SLC9A9: variants seen among roughly 807,000 people sequenced by gnomAD.
The protein encoded by SLC9A9 is sodium/hydrogen exchanger 9.
SLC9A9 carries 62 observed loss-of-function variants against 77.8 expected under a neutral mutation model. That is an observed-to-expected ratio of 0.80 (90% CI 0.65 to 0.98). The LOEUF is 0.98. SLC9A9 is among the 50% of genes least tolerant of loss of function. SLC9A9 has a pLI of 0.00. For missense variants in SLC9A9, 775 were observed against 774.9 expected, an observed-to-expected ratio of 1.00 and a Z score of 0.00; for synonymous variants, 320 against 283.5, an observed-to-expected ratio of 1.13 and a Z score of -1.29.
At chr3:143,276,220 G>A (rs1008953710) in intron 14 of SLC9A9, among the ~76,000 whole-genome samples, 2 of 152,190 alleles carry the variant, frequency 1.3e-5, no homozygotes, top group Non-Finnish European at 2.9e-5. Context: ...TACTGTTAGA[G>A]AATGTGATAG....
intron 4 of SLC9A9, among the ~76,000 whole-genome samples, chr3:143,739,658 T>C (rs546485286): frequency 1.4e-3 from 213 of 152,352 alleles, no homozygotes; most frequent in African/African-American, 4.9e-3. Flanking sequence ...AAAAATTTTA[T>C]TTGAAGCTTT....
chr3:143,438,025 C>A (rs757986277), intron 12 of SLC9A9, among the ~76,000 whole-genome samples: 1 of 152,092 alleles, frequency 6.6e-6, no homozygotes, highest in Non-Finnish European at 1.5e-5. Flanking sequence ...TGTTTTCCTA[C>A]CCTCTAGGGA....
At chr3:143,564,057 C>G (rs1254755899) in intron 8 of SLC9A9, among the ~76,000 whole-genome samples, 1 of 152,158 alleles carries the variant, frequency 6.6e-6, no homozygotes, top group Non-Finnish European at 1.5e-5. Context: ...GAATGAAATT[C>G]TACTTCAAGA....
At chr3:143,396,882 G>A (rs183342825) in intron 12 of SLC9A9, among the ~76,000 whole-genome samples, 1 of 152,284 alleles carries the variant, frequency 6.6e-6, no homozygotes, top group African/African-American at 2.4e-5. Flanking sequence ...GAGATAAAAT[G>A]TGTGGCTGGT....
At chr3:143,280,470 A>G (rs1383548720) in intron 14 of SLC9A9, among the ~76,000 whole-genome samples, 1 of 151,428 alleles carries the variant, frequency 6.6e-6, no homozygotes, top group East Asian at 1.9e-4. Context: ...TTCTCCTCCT[A>G]GACATACTTT....
chr3:143,517,440 C>T lies in SLC9A9; in HGVS notation c.1090-21992G>A. 3.1e-6 allele frequency: 5 copies of T among 1,594,080 alleles called. No homozygotes were observed. In the South Asian group the frequency reaches 5.5e-5, roughly 18 times the overall value. ...CGTCTGGCTTCTTCCTCCCTCTGGGCTCTCTCATGCTCCTCTTGAGCCTTC... is the reference window on the plus strand; with the variant it reads ...CGTCTGGCTTCTTCCTCCCTCTGGGTTCTCTCATGCTCCTCTTGAGCCTTC... On this transcript the variant is annotated intron_variant, in intron 9 of 15. Coordinates refer to ENST00000316549, the MANE Select transcript of SLC9A9 (RefSeq NM_173653.4).
chr3:143,781,723 A>T (rs918048181), intron 4 of SLC9A9, among the ~76,000 whole-genome samples: 1 of 152,240 alleles, frequency 6.6e-6, no homozygotes, highest in Non-Finnish European at 1.5e-5. Context: ...TCTAGCAGCA[A>T]TGGCCTTCAA....
At chr3:143,347,178 T>G (rs2032307487) in intron 14 of SLC9A9, 1 of 152,132 alleles carries the variant, frequency 6.6e-6, no homozygotes, top group Non-Finnish European at 1.5e-5. Context: ...CAAATTTTTC[T>G]CAGAAGAAAC....
At chr3:143,602,442 A>C (rs1382316472) in intron 6 of SLC9A9, among the ~76,000 whole-genome samples, 1 of 152,244 alleles carries the variant, frequency 6.6e-6, no homozygotes, top group Non-Finnish European at 1.5e-5. Context: ...CAATTGCTCG[A>C]AACATTCACT....
intron 4 of SLC9A9, among the ~76,000 whole-genome samples, chr3:143,716,327 G>T (rs1053323677): frequency 6.6e-6 from 1 of 152,014 alleles, no homozygotes; most frequent in African/African-American, 2.4e-5. Context: ...TCCCACCTCA[G>T]CCTCCCAAAA....
Position 143,832,005 on chromosome 3 carries a change from G to A in SLC9A9, c.378+14C>T, listed in dbSNP as rs915557766. 2 of 1,605,072 alleles carry A rather than the reference G, an allele frequency of 1.2e-6. No homozygotes were observed. Among genetic ancestry groups the A allele is most frequent in the African/African-American group, 2.7e-5 (2 of 74,764 alleles). ...ACTGTAAAACAAATATATAATACCAGACAGGATCCTTACCTTTTCAAGTAT... is the reference window on the plus strand; with the variant it reads ...ACTGTAAAACAAATATATAATACCAAACAGGATCCTTACCTTTTCAAGTAT... On this transcript the variant is annotated intron_variant, in intron 2 of 15. Coordinates refer to ENST00000316549, the MANE Select transcript of SLC9A9 (RefSeq NM_173653.4).
At chr3:143,785,966 C>G (rs2008043643) in intron 4 of SLC9A9, among the ~76,000 whole-genome samples, 1 of 149,934 alleles carries the variant, frequency 6.7e-6, no homozygotes, top group Non-Finnish European at 1.5e-5. Context: ...ACGCCATTCT[C>G]CTGCCTCAGC....
Position 143,777,861 on chromosome 3 carries a change from C to T in SLC9A9, c.533+17140G>A, listed in dbSNP as rs550414932. On this transcript the variant is annotated intron_variant, in intron 4 of 15. Coordinates refer to ENST00000316549, the MANE Select transcript of SLC9A9 (RefSeq NM_173653.4). ...TCCTAAATACCTGGGATTACAGGCA[C>T]ATGCCACCACACCTGGCTAATTTTT... Among the ~76,000 whole-genome samples, 4 of 151,576 alleles carry T rather than the reference C, an allele frequency of 2.6e-5. No individual in the cohort carries two copies. The East Asian group carries it at 7.8e-4, about 30-fold the overall frequency.
chr3:143,407,884 G>A (rs1057141494), intron 12 of SLC9A9, among the ~76,000 whole-genome samples: 5 of 152,280 alleles, frequency 3.3e-5, no homozygotes, highest in East Asian at 1.9e-4. Flanking sequence ...TTGAGCTACC[G>A]TAACAAATTA....
intron 12 of SLC9A9, among the ~76,000 whole-genome samples, chr3:143,436,230 G>A (rs1442806085): frequency 6.6e-6 from 1 of 152,152 alleles, no homozygotes; most frequent in African/African-American, 2.4e-5. Context: ...TGCGAGCACT[G>A]GGCAGTGGTC....
At chr3:143,816,185 G>A (rs4839660) in intron 2 of SLC9A9, among the ~76,000 whole-genome samples, 132,391 of 152,034 alleles carry the variant, frequency 0.87, 58,693 homozygotes, top group Middle Eastern at 0.96. Flanking sequence ...GTAAACCATA[G>A]TTAGTATTGC....
intron 4 of SLC9A9, among the ~76,000 whole-genome samples, chr3:143,751,441 G>A (rs1339718304): frequency 6.6e-6 from 1 of 152,100 alleles, no homozygotes; most frequent in Non-Finnish European, 1.5e-5. Flanking sequence ...TTTCCTGGAG[G>A]GCATGCTGCT....
At chr3:143,445,007 A>G (rs1284711061) in intron 12 of SLC9A9, among the ~76,000 whole-genome samples, 3 of 152,130 alleles carry the variant, frequency 2.0e-5, no homozygotes, top group Non-Finnish European at 4.4e-5. Context: ...ATCTAACTCC[A>G]TAGCCCCGGT....
chr3:143,498,816 C>T (rs1469586893), intron 9 of SLC9A9, among the ~76,000 whole-genome samples: 2 of 152,068 alleles, frequency 1.3e-5, no homozygotes, highest in Non-Finnish European at 2.9e-5. Context: ...TGGAATTGGA[C>T]AATACATACC....
Sources: gnomAD v4.1 joint callset for allele counts (sites outside exome capture counted in the v4.1 genomes callset) on GRCh38, gnomAD v4.1.1 for gene constraint, MANE v1.5 for transcripts, NCBI Gene and HGNC (gene_info 2026-07-23, HGNC 2026-07-21) for gene names.